SUPT3H: variants seen among roughly 807,000 people sequenced by gnomAD.
SUPT3H encodes the protein transcription initiation protein SPT3 homolog.
In SUPT3H, 44 loss-of-function variants were observed where a neutral mutation model predicts 44.3. That is an observed-to-expected ratio of 0.99 (90% CI 0.78 to 1.28). SUPT3H has a LOEUF of 1.28. Among genes scored for constraint, SUPT3H ranks in the 50% most tolerant of loss-of-function variants. The probability of loss-of-function intolerance (pLI) is 0.00; values close to 1 mark genes in which losing one functional copy is unlikely to be tolerated. For missense variants in SUPT3H, 380 were observed against 387.1 expected, an observed-to-expected ratio of 0.98 and a Z score of 0.15; for synonymous variants, 124 against 125.6, an observed-to-expected ratio of 0.99 and a Z score of 0.09.
intron 2 of SUPT3H, among the ~76,000 whole-genome samples, chr6:45,154,078 A>AC: frequency 7.4e-6 from 1 of 135,786 alleles, no homozygotes; most frequent in African/African-American, 2.6e-5. Context: ...TCAAGAAAAA[A>AC]AAAAAAAAAA....
intron 10 of SUPT3H, chr6:44,898,588 G>C (rs1267251242): frequency 2.0e-5 from 3 of 152,200 alleles, no homozygotes; most frequent in East Asian, 1.9e-4. Context: ...GGTTACTGTT[G>C]TAACAGTAAG....
intron 2 of SUPT3H, among the ~76,000 whole-genome samples, chr6:45,165,992 G>A (rs1226687541): frequency 6.6e-6 from 1 of 152,126 alleles, no homozygotes; most frequent in Admixed American, 6.5e-5. Context: ...AATAAATCTA[G>A]ACTAAATAAT....
At chr6:45,056,182 T>C (rs1415673696) in intron 3 of SUPT3H, among the ~76,000 whole-genome samples, 1 of 151,994 alleles carries the variant, frequency 6.6e-6, no homozygotes, top group East Asian at 1.9e-4. Flanking sequence ...CAAAAAGTAA[T>C]AGATGCTGTC....
intron 2 of SUPT3H, among the ~76,000 whole-genome samples, chr6:45,175,980 G>A (rs1425983831): frequency 1.3e-5 from 2 of 152,124 alleles, no homozygotes; most frequent in African/African-American, 2.4e-5. Context: ...CAATATAACT[G>A]AATTTATTTT....
At chr6:45,124,894 T>C (rs549148636) in intron 2 of SUPT3H, among the ~76,000 whole-genome samples, 4 of 152,110 alleles carry the variant, frequency 2.6e-5, no homozygotes, top group Middle Eastern at 3.4e-3. Flanking sequence ...AGGACTGGTA[T>C]CCTTACAAAA....
chr6:45,251,918 C>A (rs1299665341), intron 2 of SUPT3H, among the ~76,000 whole-genome samples: 3 of 150,834 alleles, frequency 2.0e-5, no homozygotes, highest in African/African-American at 7.3e-5. Flanking sequence ...GAAAGGTCAT[C>A]GATAAGAAAA....
chr6:44,990,825 T>A (rs1780508828), intron 6 of SUPT3H, among the ~76,000 whole-genome samples: 1 of 152,118 alleles, frequency 6.6e-6, no homozygotes, highest in African/African-American at 2.4e-5. Context: ...GGCAAAGTCT[T>A]ATTTTAAATT....
chr6:45,367,515 T>C (rs1051986862), intron 1 of SUPT3H, among the ~76,000 whole-genome samples: 1 of 151,826 alleles, frequency 6.6e-6, no homozygotes, highest in African/African-American at 2.4e-5. Flanking sequence ...AGGACTTCCC[T>C]AAATAGTCCT....
intron 2 of SUPT3H, among the ~76,000 whole-genome samples, chr6:45,213,555 T>C (rs952145717): frequency 9.2e-5 from 14 of 152,166 alleles, no homozygotes; most frequent in Admixed American, 8.5e-4. Context: ...CAAATATTTA[T>C]AGCCACTGTA....
rs1357082827 is a variant in SUPT3H, at chr6:45,257,736, T to G, written c.101+107465A>C. Among the ~76,000 whole-genome samples, 4 of 152,156 alleles carry G rather than the reference T, an allele frequency of 2.6e-5. No homozygotes were observed. The East Asian group carries it at 7.7e-4, about 29-fold the overall frequency. ...GAACAAGAGGGAGCCAAACTCACCC[T>G]TTTATAATGTCACAGTCCTACCCAT... On this transcript the variant is annotated intron_variant, in intron 2 of 10. Coordinates refer to ENST00000371459, the MANE Select transcript of SUPT3H (RefSeq NM_003599.4).
At chr6:45,230,670 A>ATATATATATATG (rs1407928254) in intron 2 of SUPT3H, among the ~76,000 whole-genome samples, 1 of 98,440 alleles carries the variant, frequency 1.0e-5, no homozygotes, top group African/African-American at 4.2e-5. Context: ...GTCTATATAT[A>ATATATATATATG]TATATATATA....
chr6:45,247,588 C>T (rs992067708), intron 2 of SUPT3H, among the ~76,000 whole-genome samples: 2 of 152,058 alleles, frequency 1.3e-5, no homozygotes, highest in East Asian at 1.9e-4. Flanking sequence ...TACTACAATT[C>T]ACTGCTGGAA....
At chr6:44,990,228 T>C (rs10948195) in intron 6 of SUPT3H, among the ~76,000 whole-genome samples, 48,564 of 151,994 alleles carry the variant, frequency 0.32, 9,520 homozygotes, top group East Asian at 0.56. Flanking sequence ...ACACCATTTA[T>C]TGAAGAGACT....
intron 2 of SUPT3H, among the ~76,000 whole-genome samples, chr6:45,335,319 G>A (rs1446043740): frequency 6.6e-6 from 1 of 151,084 alleles, no homozygotes; most frequent in African/African-American, 2.4e-5. Context: ...TTACTTTGAA[G>A]CTTAAAAGAA....
intron 6 of SUPT3H, among the ~76,000 whole-genome samples, chr6:44,982,336 G>A (rs939827122): frequency 3.9e-5 from 6 of 152,040 alleles, no homozygotes; most frequent in Admixed American, 2.0e-4. Flanking sequence ...CCATTTTCCT[G>A]CCTCAGCCTC....
intron 10 of SUPT3H, among the ~76,000 whole-genome samples, chr6:44,848,813 A>G (rs1376686423): frequency 6.6e-6 from 1 of 152,202 alleles, no homozygotes; most frequent in Non-Finnish European, 1.5e-5. Flanking sequence ...ATTTTTCTAA[A>G]TTTCGTGGTT....
At position 45,051,534 on chromosome 6, in the gene SUPT3H, A is replaced by G. The variant is rs971129293; in HGVS notation, c.187-30902T>C. ...TTATCAAATGTATGTATGTATATAT[A>G]TTTATTAAATATATGTATTTATACA... is the stretch of plus-strand genomic sequence containing the variant. On this transcript the variant is annotated intron_variant, in intron 3 of 10. Coordinates refer to ENST00000371459, the MANE Select transcript of SUPT3H (RefSeq NM_003599.4). Among the ~76,000 whole-genome samples, 60 of 151,002 alleles carry G rather than the reference A, an allele frequency of 4.0e-4. 1 individual carries two copies. Among genetic ancestry groups the G allele is most frequent in the Admixed American group, 3.0e-3 (46 of 15,118 alleles).
At chr6:44,955,972 AT>A (rs1562129438) in intron 7 of SUPT3H, among the ~76,000 whole-genome samples, 1 of 150,172 alleles carries the variant, frequency 6.7e-6, no homozygotes, top group Non-Finnish European at 1.5e-5. Flanking sequence ...TACAAAAAAA[AT>A]TAGCCAGGCA....
chr6:45,341,761 T>C (rs1789833772), intron 2 of SUPT3H, among the ~76,000 whole-genome samples: 3 of 152,190 alleles, frequency 2.0e-5, no homozygotes, highest in Admixed American at 2.0e-4. Context: ...TGGTACCCTA[T>C]CTGGCAATGA....
Sources: allele counts gnomAD v4.1 joint callset (sites outside exome capture counted in the v4.1 genomes callset), GRCh38; gene constraint gnomAD v4.1.1; transcripts MANE v1.5; gene names NCBI Gene and HGNC (gene_info 2026-07-23, HGNC 2026-07-21).